Variants in NCAM2 observed in about 807,000 individuals in gnomAD.
NCAM2 encodes the protein N-CAM-2.
Under a neutral mutation model 98.1 loss-of-function variants are expected in NCAM2, and 30 were observed. The ratio of observed to expected loss-of-function variants is 0.31; its 90% CI spans 0.23 to 0.41. The LOEUF (loss-of-function observed/expected upper bound fraction) is 0.41. Among genes scored for constraint, NCAM2 ranks in the 10% least tolerant of loss-of-function variants. The probability of loss-of-function intolerance (pLI) is 1.00; values close to 1 mark genes in which losing one functional copy is unlikely to be tolerated. For synonymous variants in NCAM2, 368 were observed against 342.4 expected (o/e 1.07, Z -0.83); for missense variants, 867 against 1,005.8 (o/e 0.86, Z 1.87).
intron 1 of NCAM2, among the ~76,000 whole-genome samples, chr21:21,099,101 G>A (rs1248703165): frequency 2.0e-5 from 3 of 151,768 alleles, no homozygotes; most frequent in African/African-American, 4.8e-5. Flanking sequence ...CATTATCCAC[G>A]GGTCCAAAGT....
In NCAM2 at chr21:21,355,858, C is replaced by T. The variant is rs148854866; in HGVS notation, c.1044+17324C>T. On this transcript the variant is annotated intron_variant, in intron 8 of 17. Transcript: ENST00000400546. Reference sequence around the variant, plus strand: ...TCCTGACCTCAGGTGATCCACCCACCTCGGCCTCCCAAAGTACTGGGATCA... The same window carrying T: ...TCCTGACCTCAGGTGATCCACCCACTTCGGCCTCCCAAAGTACTGGGATCA... Among the ~76,000 whole-genome samples the T allele has an allele frequency of 7.8e-4, 119 of 152,130 alleles. 1 individual carries two copies. The highest frequency in any genetic ancestry group is 1.1e-3 in the Admixed American group (17 of 15,282).
chr21:21,470,525 A>G (rs1984309136), intron 14 of NCAM2, among the ~76,000 whole-genome samples: 1 of 152,040 alleles, frequency 6.6e-6, no homozygotes, highest in Admixed American at 6.6e-5. Context: ...TAAAGTTTAA[A>G]CAAGAACAAA....
intron 1 of NCAM2, among the ~76,000 whole-genome samples, chr21:21,031,973 C>T (rs1289364030): frequency 6.6e-6 from 1 of 152,118 alleles, no homozygotes; most frequent in Non-Finnish European, 1.5e-5. Context: ...AGGGAGCATG[C>T]TACATACAGG....
chr21:21,280,676 C>T (rs1395885549), intron 2 of NCAM2, 24 bp downstream of exon 2: 3 of 1,410,398 alleles, frequency 2.1e-6, no homozygotes, highest in Non-Finnish European at 2.9e-6. Context: ...TAAATACCTT[C>T]AGATAACGTG....
intron 1 of NCAM2, among the ~76,000 whole-genome samples, chr21:21,080,309 G>T (rs185752174): frequency 1.3e-5 from 2 of 151,906 alleles, no homozygotes; most frequent in East Asian, 1.9e-4. Flanking sequence ...TTAACATTTC[G>T]CCTTTACCCC....
At chr21:21,275,419 G>T (rs1051887177) in intron 1 of NCAM2, among the ~76,000 whole-genome samples, 1 of 151,182 alleles carries the variant, frequency 6.6e-6, no homozygotes, top group African/African-American at 2.4e-5. Context: ...CAGCCTGGGC[G>T]ACAGAGCGAG....
intron 1 of NCAM2, among the ~76,000 whole-genome samples, chr21:21,244,779 G>A (rs541479544): frequency 2.0e-5 from 3 of 149,626 alleles, no homozygotes; most frequent in South Asian, 4.3e-4. Context: ...CCTGGGAGGC[G>A]GAGGTTGCAG....
chr21:21,027,408 A>G (rs189655710), intron 1 of NCAM2, among the ~76,000 whole-genome samples: 22 of 152,322 alleles, frequency 1.4e-4, no homozygotes, highest in African/African-American at 4.6e-4. Context: ...CCTGCCAGGA[A>G]CTATAAGTTT....
intron 16 of NCAM2, among the ~76,000 whole-genome samples, chr21:21,514,639 A>T (rs976606745): frequency 1.3e-5 from 2 of 152,088 alleles, no homozygotes; most frequent in African/African-American, 4.8e-5. Context: ...ATCATTTCGC[A>T]TTTTACCTTT....
chr21:21,375,020 G>T (rs923102387), intron 9 of NCAM2, among the ~76,000 whole-genome samples: 1 of 151,668 alleles, frequency 6.6e-6, no homozygotes, highest in East Asian at 1.9e-4. Context: ...TTGTGGGGTT[G>T]GGGGAGAGGG....
intron 9 of NCAM2, among the ~76,000 whole-genome samples, chr21:21,408,177 A>C (rs948849801): frequency 6.6e-6 from 1 of 152,152 alleles, no homozygotes; most frequent in Non-Finnish European, 1.5e-5. Context: ...CTGTGGGTGC[A>C]CAATTTAGGC....
chr21:21,306,108 CTA>C (rs553163614), intron 5 of NCAM2, among the ~76,000 whole-genome samples: 76 of 152,166 alleles, frequency 5.0e-4, no homozygotes, highest in African/African-American at 1.8e-3. Flanking sequence ...AGAGAACATA[CTA>C]TGATTTAGAT....
intron 9 of NCAM2, among the ~76,000 whole-genome samples, chr21:21,408,670 CTTA>C: frequency 6.6e-6 from 1 of 152,158 alleles, no homozygotes; most frequent in South Asian, 2.1e-4. Flanking sequence ...AGCCCTAAAA[CTTA>C]TTGTGGGAAT....
At chr21:21,067,861 G>A (rs549334493) in intron 1 of NCAM2, among the ~76,000 whole-genome samples, 1 of 152,120 alleles carries the variant, frequency 6.6e-6, no homozygotes, top group South Asian at 2.1e-4. Flanking sequence ...ATAGCCCATT[G>A]ACCCTTTTAT....
intron 1 of NCAM2, among the ~76,000 whole-genome samples, chr21:21,164,761 A>G (rs1163355424): frequency 6.6e-6 from 1 of 152,180 alleles, no homozygotes; most frequent in Non-Finnish European, 1.5e-5. Context: ...TAATTGAGTG[A>G]TTACTCTATG....
chr21:21,111,028 T>G (rs1012232909), intron 1 of NCAM2, among the ~76,000 whole-genome samples: 1 of 152,156 alleles, frequency 6.6e-6, no homozygotes, highest in South Asian at 2.1e-4. Context: ...ATATTTGTTG[T>G]GTACTATTTT....
chr21:21,199,185 T>A (rs2069119456), intron 1 of NCAM2, among the ~76,000 whole-genome samples: 1 of 152,080 alleles, frequency 6.6e-6, no homozygotes, highest in Admixed American at 6.5e-5. Flanking sequence ...CTCCAGGATA[T>A]TTTTTTGGAT....
At chr21:21,376,999 A>G (rs573594641) in intron 9 of NCAM2, among the ~76,000 whole-genome samples, 11 of 151,920 alleles carry the variant, frequency 7.2e-5, no homozygotes, top group Admixed American at 1.3e-4. Context: ...TCATGTAAAT[A>G]TAACTACTTT....
chr21:21,462,880 C>T (rs2146199030), intron 12 of NCAM2, among the ~76,000 whole-genome samples: 1 of 152,124 alleles, frequency 6.6e-6, no homozygotes. Context: ...CTAAATATAG[C>T]TCTAAAATAC....
Sources: gnomAD v4.1 joint callset for allele counts (sites outside exome capture counted in the v4.1 genomes callset) on GRCh38, gnomAD v4.1.1 for gene constraint, MANE v1.5 for transcripts, NCBI Gene and HGNC (gene_info 2026-07-23, HGNC 2026-07-21) for gene names.